ADAM2: variants seen among roughly 807,000 people sequenced by gnomAD.
ADAM2 encodes ADAM metallopeptidase domain 2.
ADAM2 carries 101 observed loss-of-function variants against 99.3 expected under a neutral mutation model. That is an observed-to-expected ratio of 1.02 (90% CI 0.87 to 1.20). The LOEUF is 1.20. Among genes scored for constraint, ADAM2 ranks in the 50% most tolerant of loss-of-function variants. ADAM2 has a pLI of 0.00. For missense variants in ADAM2, 948 were observed against 878.7 expected, an observed-to-expected ratio of 1.08 and a Z score of -1.00; for synonymous variants, 323 against 287.6, an observed-to-expected ratio of 1.12 and a Z score of -1.25.
chr8:39,751,563 T>C (rs1465572765), intron 16 of ADAM2, among the ~76,000 whole-genome samples: 1 of 152,176 alleles, frequency 6.6e-6, no homozygotes, highest in African/African-American at 2.4e-5. Context: ...AGTTGTATCA[T>C]GCAGGAAGCT....
At chr8:39,775,348 C>A (rs947405673) in intron 11 of ADAM2, among the ~76,000 whole-genome samples, 1 of 152,116 alleles carries the variant, frequency 6.6e-6, no homozygotes, top group Admixed American at 6.6e-5. Flanking sequence ...AATCCACATA[C>A]TTCTTCCCTA....
chr8:39,766,605 G>C (rs1176335495), intron 14 of ADAM2, among the ~76,000 whole-genome samples: 3 of 151,882 alleles, frequency 2.0e-5, no homozygotes, highest in Non-Finnish European at 4.4e-5. Flanking sequence ...ACAGGTTTTT[G>C]TCATGTTGGC....
At chr8:39,773,209 CA>C (rs1325198555) in intron 11 of ADAM2, among the ~76,000 whole-genome samples, 1 of 151,474 alleles carries the variant, frequency 6.6e-6, no homozygotes, top group Non-Finnish European at 1.5e-5. Context: ...GAAGAAATCA[CA>C]AAAAATTGAA....
At chr8:39,809,501 A>C in intron 6 of ADAM2, 35 bp from the exon 7 acceptor site, 1 of 1,030,866 alleles carries the variant, frequency 9.7e-7, no homozygotes, top group Non-Finnish European at 1.5e-6. Flanking sequence ...TCAAAATTAC[A>C]GAATTACTTA....
chr8:39,825,658 T>C (rs2129588609), intron 3 of ADAM2, among the ~76,000 whole-genome samples: 1 of 152,150 alleles, frequency 6.6e-6, no homozygotes, highest in East Asian at 1.9e-4. Flanking sequence ...AGATGAACTT[T>C]AAAGATCTTT....
At chr8:39,793,984 G>A (rs1289115379) in intron 7 of ADAM2, among the ~76,000 whole-genome samples, 1 of 152,128 alleles carries the variant, frequency 6.6e-6, no homozygotes, top group Non-Finnish European at 1.5e-5. Flanking sequence ...TTGGAAAAGT[G>A]ACAAATAAAA....
chr8:39,780,782 A>G (rs927752492), intron 10 of ADAM2, among the ~76,000 whole-genome samples: 5 of 152,098 alleles, frequency 3.3e-5, no homozygotes, highest in African/African-American at 9.7e-5. Flanking sequence ...GCTGCTTTAT[A>G]CTAGTATTGA....
chr8:39,836,992 C>T lies in ADAM2; in HGVS notation c.132+144G>A. 3 of 593,950 alleles carry T rather than the reference C, an allele frequency of 5.1e-6. 1 individual carries two copies. In the South Asian group the frequency reaches 7.7e-5, roughly 15 times the overall value. The allele number at this position is 593,950 out of a possible 1,614,324, so 36.8% of individuals were successfully genotyped here. ...AACATTGTTGATCCTGGTTCATTTTCAAAAGGGCTTTTCCATTCAGGGAAA... is the reference window on the plus strand; with the variant it reads ...AACATTGTTGATCCTGGTTCATTTTTAAAAGGGCTTTTCCATTCAGGGAAA... On this transcript the variant is annotated intron_variant, in intron 2 of 20. Coordinates refer to ENST00000265708, the MANE Select transcript of ADAM2 (RefSeq NM_001464.5).
chr8:39,767,299 T>C (rs780349061), intron 12 of ADAM2, 48 bp from the exon 13 acceptor site: 31 of 1,458,348 alleles, frequency 2.1e-5, no homozygotes, highest in Non-Finnish European at 2.9e-5. Context: ...CTTGTATTCA[T>C]ATTGGACAGG....
At chr8:39,747,482 T>C (rs994489489) in intron 18 of ADAM2, among the ~76,000 whole-genome samples, 4 of 152,186 alleles carry the variant, frequency 2.6e-5, no homozygotes, top group Non-Finnish European at 5.9e-5. Context: ...AGGCCTTTTG[T>C]ATAGAAGAAA....
At chr8:39,774,240 C>T (rs1802899230) in intron 11 of ADAM2, among the ~76,000 whole-genome samples, 1 of 151,874 alleles carries the variant, frequency 6.6e-6, no homozygotes, top group Non-Finnish European at 1.5e-5. Context: ...ACAAGTCTTG[C>T]TCATAAATCA....
At position 39,762,201 on chromosome 8, in the gene ADAM2, A is replaced by G. The variant is rs148939003; in HGVS notation, c.1508-920T>C. Among the ~76,000 whole-genome samples, 19 of 152,370 alleles carry G rather than the reference A, an allele frequency of 1.2e-4. No individual in the cohort carries two copies. In the East Asian group the frequency reaches 3.7e-3, roughly 29 times the overall value. On this transcript the variant is annotated intron_variant, in intron 14 of 20. Transcript: ENST00000265708. ...TCTTTGACAGGGAGACTTAACCACT[A>G]CATAATGTTGCTGCAGCATGAATGC... is the stretch of plus-strand genomic sequence containing the variant.
At chr8:39,797,530 G>A (rs1047965958) in intron 7 of ADAM2, among the ~76,000 whole-genome samples, 1 of 152,040 alleles carries the variant, frequency 6.6e-6, no homozygotes, top group Admixed American at 6.5e-5. Context: ...TTGCTATATG[G>A]GGTCTTCCTT....
At chr8:39,814,671 G>T (rs1804865596) in intron 6 of ADAM2, among the ~76,000 whole-genome samples, 1 of 152,052 alleles carries the variant, frequency 6.6e-6, no homozygotes, top group South Asian at 2.1e-4. Context: ...TCAATAAATA[G>T]ACAGATAGAT....
At chr8:39,771,656 T>C (rs1487979356) in intron 11 of ADAM2, among the ~76,000 whole-genome samples, 1 of 152,112 alleles carries the variant, frequency 6.6e-6, no homozygotes, top group African/African-American at 2.4e-5. Flanking sequence ...TCGAATAAAT[T>C]TAGAATTTTT....
chr8:39,801,510 T>C (rs1050179171), intron 7 of ADAM2, among the ~76,000 whole-genome samples: 1 of 152,114 alleles, frequency 6.6e-6, no homozygotes, highest in African/African-American at 2.4e-5. Flanking sequence ...GCATGGGGAA[T>C]AGGACTTGTT....
intron 7 of ADAM2, among the ~76,000 whole-genome samples, chr8:39,807,785 G>A (rs1804500501): frequency 6.6e-6 from 1 of 152,078 alleles, no homozygotes; most frequent in South Asian, 2.1e-4. Context: ...GCTGAAGCCA[G>A]AAATATATAA....
intron 15 of ADAM2, among the ~76,000 whole-genome samples, chr8:39,759,263 A>G (rs888646337): frequency 6.6e-6 from 1 of 152,166 alleles, no homozygotes; most frequent in Non-Finnish European, 1.5e-5. Context: ...ACATGCCAAA[A>G]TGTATCACTT....
chr8:39,788,062 A>G (rs1179005527), intron 9 of ADAM2, 23 bp downstream of exon 9: 2 of 1,408,166 alleles, frequency 1.4e-6, no homozygotes, highest in Non-Finnish European at 1.9e-6. Flanking sequence ...GATAAACTTT[A>G]TATAATGTCA....
Sources: allele counts gnomAD v4.1 joint callset (sites outside exome capture counted in the v4.1 genomes callset), GRCh38; gene constraint gnomAD v4.1.1; transcripts MANE v1.5; gene names NCBI Gene and HGNC (gene_info 2026-07-23, HGNC 2026-07-21).